XPO7: variants seen among roughly 807,000 people sequenced by gnomAD.
XPO7 encodes the protein exportin-7.
XPO7 carries 21 observed loss-of-function variants against 144.3 expected under a neutral mutation model. That is an observed-to-expected ratio of 0.15 (90% CI 0.10 to 0.21). The LOEUF is 0.21. Ranked by LOEUF, XPO7 falls within the 10% of genes least tolerant of loss-of-function variation. The probability of loss-of-function intolerance (pLI) is 1.00; values close to 1 mark genes in which losing one functional copy is unlikely to be tolerated. For synonymous variants in XPO7, 580 were observed against 499.6 expected (o/e 1.16, Z -2.15); for missense variants, 808 against 1,325.8 (o/e 0.61, Z 6.06).
At chr8:21,944,064 A>G (rs991348481) in intron 1 of XPO7, among the ~76,000 whole-genome samples, 4 of 152,204 alleles carry the variant, frequency 2.6e-5, no homozygotes, top group African/African-American at 9.6e-5. Flanking sequence ...AAAATTTAAT[A>G]TAGTCTCAAA....
intron 1 of XPO7, among the ~76,000 whole-genome samples, chr8:21,946,581 A>C (rs866514458): frequency 9.3e-5 from 7 of 75,490 alleles, no homozygotes; most frequent in African/African-American, 3.2e-4. Flanking sequence ...ACTGAAAAAA[A>C]AAAACAAAAA....
intron 19 of XPO7, among the ~76,000 whole-genome samples, chr8:21,993,492 G>GTTT (rs1812834715): frequency 6.6e-6 from 1 of 152,226 alleles, no homozygotes; most frequent in African/African-American, 2.4e-5. Context: ...TGTTGTTGTT[G>GTTT]TTCTGTCTCC....
chr8:22,005,092 C>T lies in XPO7; in HGVS notation c.*4C>T, dbSNP rs1424088346. On this transcript the variant is annotated 3_prime_UTR_variant, in exon 28 of 28. Coordinates refer to ENST00000252512, the MANE Select transcript of XPO7 (RefSeq NM_015024.5). The stretch of plus-strand genomic sequence containing the variant: ...TAGCAATGACATGATGAGCTGACAC[C>T]TCCTTGGACTCTACCTGTACAGAGC... 1.9e-6 allele frequency: 3 copies of T among 1,611,720 alleles called. No homozygotes were observed. The highest frequency in any genetic ancestry group is 2.7e-5 in the African/African-American group (2 of 74,792).
At chr8:21,995,292 A>G (rs1812909233) in intron 20 of XPO7, among the ~76,000 whole-genome samples, 200 bp from the exon 21 acceptor site, 2 of 152,218 alleles carry the variant, frequency 1.3e-5, no homozygotes, top group Admixed American at 6.5e-5. Context: ...AAAATGTATT[A>G]TGAGATGCCT....
intron 1 of XPO7, among the ~76,000 whole-genome samples, chr8:21,920,459 G>T (rs1004494715): frequency 2.0e-5 from 3 of 152,146 alleles, no homozygotes; most frequent in Non-Finnish European, 4.4e-5. Context: ...AAGGAGTTGA[G>T]CGCCCACACC....
intron 1 of XPO7, among the ~76,000 whole-genome samples, chr8:21,929,673 A>G (rs1225016048): frequency 6.6e-6 from 1 of 152,222 alleles, no homozygotes; most frequent in Non-Finnish European, 1.5e-5. Flanking sequence ...TATTTACCAT[A>G]AAGTTTTTCA....
chr8:21,927,224 T>G (rs1006707616), intron 1 of XPO7, among the ~76,000 whole-genome samples: 1 of 151,530 alleles, frequency 6.6e-6, no homozygotes, highest in Non-Finnish European at 1.5e-5. Context: ...CCAAGTCTTT[T>G]AAAAAAAATT....
chr8:21,933,396 G>A (rs1032251978), intron 1 of XPO7, among the ~76,000 whole-genome samples: 15 of 151,368 alleles, frequency 9.9e-5, no homozygotes, highest in African/African-American at 2.7e-4. Context: ...CACTGCGCCC[G>A]GCCCCTCCTT....
In XPO7 at chr8:22,002,139, C is replaced by T; in HGVS notation, c.2810C>T (p.Ser937Phe). Residue 937 changes from serine (S) to phenylalanine (F), a missense_variant, in exon 25 of 28, where the codon TCC becomes TTC. Ser to Phe is a radical substitution (Grantham distance 155, BLOSUM62 -2). Transcript: ENST00000252512. ...LDTMVCTGCCSCLDHIVTYLF... is the reference protein window; with the variant it reads ...LDTMVCTGCCFCLDHIVTYLF... ...ACCATGGTATGCACAGGCTGCTGCTCCTGCCTGGACCACATTGTGACATAC... is the reference window on the plus strand; with the variant it reads ...ACCATGGTATGCACAGGCTGCTGCTTCTGCCTGGACCACATTGTGACATAC... 1 of 1,611,432 alleles carries T rather than the reference C, an allele frequency of 6.2e-7. No homozygotes were observed. The highest frequency in any genetic ancestry group is 1.1e-5 in the South Asian group (1 of 90,384).
At chr8:21,965,142 CT>C (rs79291299) in intron 1 of XPO7, among the ~76,000 whole-genome samples, 316 of 136,840 alleles carry the variant, frequency 2.3e-3, no homozygotes, top group Admixed American at 2.1e-3. Flanking sequence ...TAATTTTTTT[CT>C]TTTTTTTTTT....
At chr8:21,990,508 A>G (rs1380644586) in intron 17 of XPO7, 101 bp downstream of exon 17, 6 of 1,335,302 alleles carry the variant, frequency 4.5e-6, no homozygotes, top group Non-Finnish European at 1.1e-6. Flanking sequence ...GGGTATTGCT[A>G]CAGCAAAGAC....
At chr8:21,981,950 G>C in intron 10 of XPO7, 73 bp downstream of exon 10, 1 of 1,575,460 alleles carries the variant, frequency 6.3e-7, no homozygotes. Flanking sequence ...AACCATGTAA[G>C]AATATATTTT....
Position 21,919,746 on chromosome 8 carries a change from C to T in XPO7, c.-25C>T, listed in dbSNP as rs1356286576. On this transcript the variant is annotated 5_prime_UTR_variant, in exon 1 of 28. Transcript: ENST00000252512. Reference sequence around the variant, plus strand: ...GTGCGCGCTGGGGGGGAGGGGGGGCCGGAGAGGAGCATGAATGGAGCAAAA... The same window carrying T: ...GTGCGCGCTGGGGGGGAGGGGGGGCTGGAGAGGAGCATGAATGGAGCAAAA... The T allele has an allele frequency of 2.1e-6, 1 of 482,228 alleles. No homozygotes were observed. 29.9% of individuals were successfully genotyped at this position (482,228 alleles called of 1,614,324 possible). A position where few individuals can be genotyped will look rare whatever the true frequency, so the allele number is the denominator to read the frequency against.
Position 21,984,749 on chromosome 8 carries a change from C to G in XPO7, c.1381C>G (p.Leu461Val). 2 of 1,613,982 alleles carry G rather than the reference C, an allele frequency of 1.2e-6. No homozygotes were observed. The highest frequency in any genetic ancestry group is 1.7e-6 in the Non-Finnish European group (2 of 1,179,890). Residue 461 changes from leucine to valine, a missense_variant, in exon 12 of 28, where the codon CTC becomes GTC. Transcript: ENST00000252512. ...TGAATATGAGAAGACGTGTGCACTC[C>G]TCGTGCAGTTGTTTGACCAGTCGGC... is the stretch of plus-strand genomic sequence containing the variant. Reference protein sequence around the residue: ...RCEYEKTCALLVQLFDQSAQS... With the variant: ...RCEYEKTCALVVQLFDQSAQS...
chr8:21,932,294 A>G lies in XPO7; in HGVS notation c.18+12506A>G, dbSNP rs576462297. Among the ~76,000 whole-genome samples, 5 of 152,368 alleles carry G rather than the reference A, an allele frequency of 3.3e-5. No homozygotes were observed. The South Asian group carries it at 1.0e-3, about 32-fold the overall frequency. ...AAGCAAATTGATATTTTACAAAACT[A>G]TTAAGGGAAAAATGATTTAGAATTC... On this transcript the variant is annotated intron_variant, in intron 1 of 27. Transcript: ENST00000252512.
intron 13 of XPO7, among the ~76,000 whole-genome samples, 172 bp from the exon 14 acceptor site, chr8:21,986,969 G>C (rs1812598488): frequency 1.3e-5 from 2 of 152,212 alleles, no homozygotes; most frequent in Non-Finnish European, 2.9e-5. Context: ...TCTCCAAAAA[G>C]ATTGAAAACT....
intron 6 of XPO7, among the ~76,000 whole-genome samples, chr8:21,975,438 T>C (rs753280658): frequency 5.9e-5 from 9 of 152,238 alleles, no homozygotes; most frequent in African/African-American, 1.2e-4. Flanking sequence ...TTCCACACAG[T>C]TGTAACACAG....
chr8:21,991,498 T>A (rs760569421), intron 18 of XPO7, among the ~76,000 whole-genome samples: 1 of 152,226 alleles, frequency 6.6e-6, no homozygotes, highest in Non-Finnish European at 1.5e-5. Context: ...GAAACCTCCG[T>A]ACCCATTAAA....
At chr8:21,977,502 C>A (rs1447251141) in intron 7 of XPO7, among the ~76,000 whole-genome samples, 2 of 152,102 alleles carry the variant, frequency 1.3e-5, no homozygotes, top group Non-Finnish European at 2.9e-5. Flanking sequence ...TCCTTTAAAC[C>A]GGGACCTGGG....
Sources: allele counts gnomAD v4.1 joint callset (sites outside exome capture counted in the v4.1 genomes callset), GRCh38; gene constraint gnomAD v4.1.1; transcripts MANE v1.5; gene names NCBI Gene and HGNC (gene_info 2026-07-23, HGNC 2026-07-21).